The following ABTB3 variants were observed in gnomAD, a reference collection of about 807,000 sequenced individuals.
ABTB3 encodes ankyrin repeat and BTB domain containing 3, also known as ankyrin repeat- and BTB/POZ domain-containing protein 3.
chr12:107,616,318 T>C, the ABTB3 span, among the ~76,000 whole-genome samples: 72 of 152,240 alleles, frequency 4.7e-4, no homozygotes, highest in African/African-American at 1.6e-3. Context: ...GCCAAGTAGG[T>C]GGCTCCCCCA....
chr12:107,440,399 C>A, the ABTB3 span, among the ~76,000 whole-genome samples: 3 of 152,240 alleles, frequency 2.0e-5, no homozygotes, highest in Non-Finnish European at 1.5e-5. Context: ...AACCTCCAAG[C>A]CCTTCTCAGG....
At chr12:107,319,167 A>C in the ABTB3 span, 1 of 1,599,236 alleles carries the variant, frequency 6.3e-7, no homozygotes, top group East Asian at 2.2e-5. Context: ...CTGGTGGAAG[A>C]CTCCGAGGGG....
the ABTB3 span, chr12:107,649,102 T>C: frequency 5.2e-6 from 5 of 969,878 alleles, no homozygotes; most frequent in South Asian, 7.5e-5. Flanking sequence ...TTGGAATGGA[T>C]GTCCTAGAGG....
chr12:107,356,215 G>A, the ABTB3 span, among the ~76,000 whole-genome samples: 11 of 152,320 alleles, frequency 7.2e-5, no homozygotes, highest in East Asian at 1.9e-3. Context: ...TCATAGGTAG[G>A]CTGTGTCTGT....
the ABTB3 span, among the ~76,000 whole-genome samples, chr12:107,366,001 C>T: frequency 6.6e-6 from 1 of 152,222 alleles, no homozygotes; most frequent in Non-Finnish European, 1.5e-5. Flanking sequence ...ATAACATATC[C>T]TGAGAACACA....
At chr12:107,322,800 G>A in the ABTB3 span, among the ~76,000 whole-genome samples, 18 of 151,228 alleles carry the variant, frequency 1.2e-4, no homozygotes, top group African/African-American at 3.7e-4. Context: ...TCCAGAGTCC[G>A]TACTCTTAAC....
At chr12:107,551,234 G>T in the ABTB3 span, among the ~76,000 whole-genome samples, 1 of 152,150 alleles carries the variant, frequency 6.6e-6, no homozygotes, top group African/African-American at 2.4e-5. Context: ...GAGAAACTCA[G>T]AGTTGCTGGA....
chr12:107,529,213 A>T, the ABTB3 span, among the ~76,000 whole-genome samples: 3 of 122,376 alleles, frequency 2.5e-5, no homozygotes, highest in Non-Finnish European at 3.4e-5. Context: ...ATGATGATGG[A>T]GATGATGATG....
At chr12:107,319,379 G>T in the ABTB3 span, 169 of 1,580,700 alleles carry the variant, frequency 1.1e-4, 2 homozygotes, top group Middle Eastern at 1.2e-3. Context: ...AGCCAAAGAG[G>T]CGCAGCGCCT....
chr12:107,525,022 G>A, the ABTB3 span, among the ~76,000 whole-genome samples: 1 of 152,076 alleles, frequency 6.6e-6, no homozygotes, highest in Non-Finnish European at 1.5e-5. Flanking sequence ...ATATGATGGT[G>A]GTCCCATAAG....
chr12:107,530,845 T>C, the ABTB3 span, among the ~76,000 whole-genome samples: 1 of 152,202 alleles, frequency 6.6e-6, no homozygotes, highest in Non-Finnish European at 1.5e-5. Flanking sequence ...ATTCAAACAT[T>C]GGGACAGATT....
the ABTB3 span, among the ~76,000 whole-genome samples, chr12:107,584,451 C>T: frequency 6.6e-6 from 1 of 152,238 alleles, no homozygotes; most frequent in African/African-American, 2.4e-5. Context: ...TGTAAAAATA[C>T]AGTCTCCTTG....
the ABTB3 span, among the ~76,000 whole-genome samples, chr12:107,508,982 G>A: frequency 2.6e-5 from 4 of 152,158 alleles, no homozygotes; most frequent in Non-Finnish European, 5.9e-5. Flanking sequence ...CTCAGCTGGA[G>A]GTCTAAAAAA....
chr12:107,470,272 C>G, the ABTB3 span, among the ~76,000 whole-genome samples: 1 of 151,982 alleles, frequency 6.6e-6, no homozygotes, highest in East Asian at 1.9e-4. Context: ...CTCCTGACCT[C>G]AAGTGATCCA....
chr12:107,626,317 A>G, the ABTB3 span, among the ~76,000 whole-genome samples: 2 of 149,302 alleles, frequency 1.3e-5, no homozygotes, highest in African/African-American at 2.5e-5. Context: ...TAAAAGATCA[A>G]TCTGACTGCT....
the ABTB3 span, among the ~76,000 whole-genome samples, chr12:107,365,740 A>G: frequency 6.6e-6 from 1 of 152,332 alleles, no homozygotes; most frequent in African/African-American, 2.4e-5. Context: ...CCAGCTTGGC[A>G]CTGCACAGAT....
the ABTB3 span, chr12:107,610,400 T>G: frequency 6.2e-7 from 1 of 1,604,460 alleles, no homozygotes; most frequent in Non-Finnish European, 8.5e-7. Flanking sequence ...CTCCTCCATG[T>G]GCATCACCCC....
the ABTB3 span, among the ~76,000 whole-genome samples, chr12:107,374,400 C>G: frequency 2.0e-5 from 3 of 152,198 alleles, no homozygotes; most frequent in Admixed American, 6.5e-5. Context: ...GGCCGACTCA[C>G]TCCTCTCTCC....
the ABTB3 span, among the ~76,000 whole-genome samples, chr12:107,411,329 T>C: frequency 6.6e-6 from 1 of 152,204 alleles, no homozygotes; most frequent in African/African-American, 2.4e-5. Flanking sequence ...ATTAATTAAT[T>C]GAAATGAAAT....
Sources: gnomAD v4.1 joint callset for allele counts (sites outside exome capture counted in the v4.1 genomes callset) on GRCh38, gnomAD v4.1.1 for gene constraint, MANE v1.5 for transcripts, NCBI Gene and HGNC (gene_info 2026-07-23, HGNC 2026-07-21) for gene names.